ZNF728: variants seen among roughly 807,000 people sequenced by gnomAD.
ZNF728 encodes zinc finger protein 728.
Under a neutral mutation model 12.5 loss-of-function variants are expected in ZNF728, and 12 were observed. That is an observed-to-expected ratio of 0.96 (90% CI 0.61 to 1.55). The LOEUF (loss-of-function observed/expected upper bound fraction) is 1.55, where lower values mean the gene tolerates loss of function less well. ZNF728 is among the 40% of genes most tolerant of loss of function. The probability of loss-of-function intolerance (pLI) is 0.00; values close to 1 mark genes in which losing one functional copy is unlikely to be tolerated. For missense variants in ZNF728, 692 were observed against 719.2 expected (o/e 0.96, Z 0.43); for synonymous variants, 205 against 240.7 (o/e 0.85, Z 1.37).
At chr19:22,979,410 G>C (rs1373477694) in intron 3 of ZNF728, among the ~76,000 whole-genome samples, 1 of 152,088 alleles carries the variant, frequency 6.6e-6, no homozygotes, top group Non-Finnish European at 1.5e-5. Flanking sequence ...GAAAGTGATG[G>C]GGAGAATGGA....
intron 3 of ZNF728, among the ~76,000 whole-genome samples, chr19:22,984,099 A>C (rs552925063): frequency 6.6e-6 from 1 of 152,290 alleles, no homozygotes; most frequent in East Asian, 1.9e-4. Context: ...AGCACTCCTC[A>C]ACATCGGGAT....
At chr19:23,002,536 T>C (rs1969123875) in intron 1 of ZNF728, among the ~76,000 whole-genome samples, 1 of 152,354 alleles carries the variant, frequency 6.6e-6, no homozygotes. Flanking sequence ...ACCTCTTCAA[T>C]AGACCATAAA....
intron 1 of ZNF728, among the ~76,000 whole-genome samples, chr19:22,992,733 A>T (rs1197512582): frequency 6.6e-6 from 1 of 152,168 alleles, no homozygotes; most frequent in Non-Finnish European, 1.5e-5. Flanking sequence ...CAAACACAAG[A>T]TGACTCATTT....
chr19:22,989,340 C>T (rs4624316), intron 1 of ZNF728, among the ~76,000 whole-genome samples: 1,576 of 151,910 alleles, frequency 0.01, 28 homozygotes, highest in African/African-American at 0.036. Flanking sequence ...ATTGAATGAG[C>T]CTGTGTTTTT....
intron 3 of ZNF728, among the ~76,000 whole-genome samples, chr19:22,984,504 A>G (rs1968892854): frequency 6.7e-6 from 1 of 148,174 alleles, no homozygotes; most frequent in Non-Finnish European, 1.5e-5. Flanking sequence ...GGTTGCAGTG[A>G]GCCAAGATTG....
At chr19:23,002,887 G>T in intron 1 of ZNF728, 141 bp downstream of exon 1, 1 of 1,118,894 alleles carries the variant, frequency 8.9e-7, no homozygotes, top group Non-Finnish European at 1.3e-6. Context: ...GAAGCGGACT[G>T]AGGTCGAGCT....
chr19:22,977,408 T>A (rs1469109821), intron 3 of ZNF728, among the ~76,000 whole-genome samples: 1 of 152,184 alleles, frequency 6.6e-6, no homozygotes, highest in African/African-American at 2.4e-5. Flanking sequence ...CTCCTCAATA[T>A]TACCTAGTCC....
chr19:23,001,676 A>T (rs1969115202), intron 1 of ZNF728, among the ~76,000 whole-genome samples: 1 of 152,228 alleles, frequency 6.6e-6, no homozygotes, highest in African/African-American at 2.4e-5. Context: ...AAAACAGAAG[A>T]AAAAATATTT....
chr19:22,976,369 C>G lies in ZNF728; in HGVS notation c.968G>C (p.Arg323Pro). ...KCEECGKAFN[R>P]SSNLMEHKRI... ...CTTATGTTCCATAAGGTTTGAGGAC[C>G]GGTTGAAAGCTTTGCCACATTCTTC... is the stretch of plus-strand genomic sequence containing the variant. The change falls in exon 4 of 4, where the codon CGG becomes CCG. Residue 323 changes from arginine to proline, a missense_variant. Arg to Pro is a moderately radical substitution (Grantham distance 103, BLOSUM62 -2). Around this residue, in one of 3 missense-constraint regions of ZNF728, gnomAD observed 440 missense variants for 459.6 expected, o/e 0.96. Coordinates refer to ENST00000594710, the MANE Select transcript of ZNF728 (RefSeq NM_001267716.2). 1.2e-6 allele frequency: 2 copies of G among 1,605,358 alleles called. No individual in the cohort carries two copies.
intron 2 of ZNF728, 78 bp downstream of exon 2, chr19:22,988,247 T>C (rs1968940332): frequency 2.5e-6 from 4 of 1,605,830 alleles, no homozygotes; most frequent in East Asian, 2.2e-5. Context: ...TCATCCTCCT[T>C]TGTCCAGGCC....
intron 2 of ZNF728, 25 bp from the exon 3 acceptor site, chr19:22,987,428 T>A (rs756722285): frequency 6.3e-7 from 1 of 1,578,610 alleles, no homozygotes; most frequent in Non-Finnish European, 8.6e-7. Flanking sequence ...ATGAGTAACA[T>A]GCATCTTGCT....
intron 1 of ZNF728, among the ~76,000 whole-genome samples, chr19:22,993,159 C>A (rs758950584): frequency 2.0e-5 from 3 of 152,206 alleles, no homozygotes; most frequent in Admixed American, 6.5e-5. Flanking sequence ...CTCTCACATA[C>A]CTGTGGCAGA....
Position 22,976,372 on chromosome 19 carries a change from T to A in ZNF728, c.965A>T (p.Asn322Ile). 1 of 1,607,030 alleles carries A rather than the reference T, an allele frequency of 6.2e-7. No individual in the cohort carries two copies. Among genetic ancestry groups the A allele is most frequent in the Non-Finnish European group, 8.5e-7 (1 of 1,178,152 alleles). The change falls in exon 4 of 4, where the codon AAC (asparagine) becomes ATC (isoleucine). Residue 322 changes from asparagine to isoleucine, a missense_variant. Transcript: ENST00000594710. ...YKCEECGKAF[N>I]RSSNLMEHKR... ...ATGTTCCATAAGGTTTGAGGACCGG[T>A]TGAAAGCTTTGCCACATTCTTCACA...
rs146174397 is a variant in ZNF728, at chr19:22,999,553, C to T, written c.3+3475G>A. 4.6e-3 allele frequency among the ~76,000 whole-genome samples: 700 copies of T among 152,194 alleles called. 6 individuals are homozygous for T. The highest frequency in any genetic ancestry group is 0.016 in the African/African-American group (655 of 41,528). On this transcript the variant is annotated intron_variant, in intron 1 of 3. Transcript: ENST00000594710. The stretch of plus-strand genomic sequence containing the variant: ...TGCCGGCTCAAAATTAACCTTCGCT[C>T]GCAGTCATTGGGCTCAAGCTTTAAT...
At chr19:22,984,575 A>AAAACACACAC (rs1599528916) in intron 3 of ZNF728, among the ~76,000 whole-genome samples, 1 of 70,082 alleles carries the variant, frequency 1.4e-5, no homozygotes, top group African/African-American at 9.6e-5. Flanking sequence ...AAAAAAAAAA[A>AAAACACACAC]ATACACACAC....
At chr19:22,993,897 T>C (rs947755009) in intron 1 of ZNF728, among the ~76,000 whole-genome samples, 14 of 151,624 alleles carry the variant, frequency 9.2e-5, no homozygotes, top group Non-Finnish European at 1.6e-4. Flanking sequence ...AGACAAAAAC[T>C]TTTTTTTTCT....
intron 3 of ZNF728, among the ~76,000 whole-genome samples, chr19:22,980,631 G>C (rs1183883705): frequency 6.6e-6 from 1 of 152,110 alleles, no homozygotes; most frequent in Non-Finnish European, 1.5e-5. Context: ...ATAATTGGAA[G>C]TAAAACACTC....
chr19:23,001,602 T>G (rs1969114612), intron 1 of ZNF728, among the ~76,000 whole-genome samples: 1 of 152,156 alleles, frequency 6.6e-6, no homozygotes, highest in African/African-American at 2.4e-5. Flanking sequence ...TGAGGACACA[T>G]CTCCCTATAA....
At chr19:22,980,628 G>C (rs1167533414) in intron 3 of ZNF728, among the ~76,000 whole-genome samples, 1 of 152,062 alleles carries the variant, frequency 6.6e-6, no homozygotes, top group Non-Finnish European at 1.5e-5. Flanking sequence ...CACATAATTG[G>C]AAGTAAAACA....
Sources: gnomAD v4.1 joint callset for allele counts (sites outside exome capture counted in the v4.1 genomes callset) on GRCh38, gnomAD v4.1.1 for gene constraint, gnomAD v4.1.1 regional missense constraint, MANE v1.5 for transcripts, NCBI Gene and HGNC (gene_info 2026-07-23, HGNC 2026-07-21) for gene names.